Variants in SLAMF9 observed in about 807,000 individuals in gnomAD.
The protein encoded by SLAMF9 is CD2 family member 10.
In SLAMF9, 25 loss-of-function variants were observed where a neutral mutation model predicts 30.4. The observed-to-expected ratio is 0.82, with a 90% CI of 0.60 to 1.15. The LOEUF (loss-of-function observed/expected upper bound fraction) is 1.15, where lower values mean the gene tolerates loss of function less well. Among genes scored for constraint, SLAMF9 ranks in the 50% most tolerant of loss-of-function variants. The probability of loss-of-function intolerance (pLI) is 0.00; values close to 1 mark genes in which losing one functional copy is unlikely to be tolerated. For missense variants in SLAMF9, 344 were observed against 346.1 expected, an observed-to-expected ratio of 0.99 and a Z score of 0.05; for synonymous variants, 129 against 127.2, an observed-to-expected ratio of 1.01 and a Z score of -0.09.
In SLAMF9 at chr1:159,952,454, C is replaced by T; in HGVS notation, c.472G>A (p.Val158Met). 6.2e-7 allele frequency: 1 copy of T among 1,614,124 alleles called. No individual in the cohort carries two copies. The highest frequency in any genetic ancestry group is 1.1e-5 in the South Asian group (1 of 91,086). ...GTCATATCCATGCCTGCCTTCTCCA[C>T]AGAGCACACCAGGGACATACTGCAG... is the stretch of plus-strand genomic sequence containing the variant. Reference protein sequence around the residue: ...GACSMSLVCSVEKAGMDMTYS... With the variant: ...GACSMSLVCSMEKAGMDMTYS... Residue 158 changes from valine (V) to methionine (M), a missense_variant, in exon 3 of 4, where the codon GTG becomes ATG. Val to Met is a conservative substitution (Grantham distance 21). Transcript: ENST00000368093.
At chr1:159,971,774 A>T in the SLAMF9 span, among the ~76,000 whole-genome samples, 1 of 152,068 alleles carries the variant, frequency 6.6e-6, no homozygotes, top group African/African-American at 2.4e-5. Context: ...ACCATTTGGG[A>T]AGGACGCAGG....
At chr1:159,961,770 G>A in the SLAMF9 span, among the ~76,000 whole-genome samples, 2 of 152,202 alleles carry the variant, frequency 1.3e-5, no homozygotes, top group Admixed American at 1.3e-4. Flanking sequence ...GAGAGATGGA[G>A]GCAGAGAAGA....
At chr1:159,973,617 C>T in the SLAMF9 span, among the ~76,000 whole-genome samples, 1 of 152,160 alleles carries the variant, frequency 6.6e-6, no homozygotes, top group Non-Finnish European at 1.5e-5. Flanking sequence ...TACATGTGTC[C>T]CCCATGGTGG....
In SLAMF9 at chr1:159,953,496, T is replaced by C; in HGVS notation, c.204A>G (p.Lys68=). The part of the protein sequence containing the change: ...HKSLATVVPG[K]EGHPATIMVT... ...CCATGATGGTAGCTGGATGTCCCTC[T>C]TTCCCTGGCACCACAGTGGCAAGAC... The change falls in exon 2 of 4, where the codon AAA becomes AAG. Residue 68 remains lysine (K), a synonymous_variant. Transcript: ENST00000368093. 1 of 1,614,214 alleles carries C rather than the reference T, an allele frequency of 6.2e-7. No homozygotes were observed. Among genetic ancestry groups the C allele is most frequent in the Non-Finnish European group, 8.5e-7 (1 of 1,180,032 alleles).
chr1:159,973,873 T>C, the SLAMF9 span: 1 of 1,613,092 alleles, frequency 6.2e-7, no homozygotes, highest in Non-Finnish European at 8.5e-7. Context: ...CCAGTGCAGC[T>C]GTACTGGCCA....
chr1:159,954,051 G>A (rs767511927), intron 1 of SLAMF9, 41 bp downstream of exon 1: 36 of 1,612,932 alleles, frequency 2.2e-5, no homozygotes, highest in East Asian at 4.5e-5. Flanking sequence ...GAACAGAGGT[G>A]TAGGGGACAT....
the SLAMF9 span, among the ~76,000 whole-genome samples, chr1:159,966,108 T>G: frequency 3.3e-5 from 5 of 152,318 alleles, no homozygotes; most frequent in Admixed American, 1.3e-4. Context: ...TAATTCCCCA[T>G]TCCTTCACTC....
At chr1:159,969,676 A>C in the SLAMF9 span, among the ~76,000 whole-genome samples, 1 of 152,242 alleles carries the variant, frequency 6.6e-6, no homozygotes, top group Non-Finnish European at 1.5e-5. Flanking sequence ...GCTTATGAAA[A>C]TATTTCCTGG....
In SLAMF9 at chr1:159,951,746, C is replaced by A. The variant is rs147232415; in HGVS notation, c.785G>T (p.Arg262Ile). ...TTTCTTCATCCTTGGCATTTTGTGT[C>A]TTTTCTGGACTCGGATGACCCAGAG... The part of the protein sequence containing the change: ...MGLWVIRVQK[R>I]HKMPRMKKLM... The change falls in exon 4 of 4, where the codon AGA becomes ATA. Residue 262 changes from arginine (R) to isoleucine (I), a missense_variant. By Grantham distance (97) the Arg-to-Ile change is moderately conservative. Coordinates refer to ENST00000368093, the MANE Select transcript of SLAMF9 (RefSeq NM_033438.4). 2.7e-5 allele frequency: 43 copies of A among 1,614,142 alleles called. No homozygotes were observed. The Middle Eastern group carries it at 1.5e-3, about 56-fold the overall frequency.
At position 159,951,742 on chromosome 1, in the gene SLAMF9, G is replaced by A. The variant is rs1173634028; in HGVS notation, c.789C>T (p.His263=). Residue 263 remains histidine (H), a synonymous_variant, in exon 4 of 4, where the codon CAC becomes CAT. Transcript: ENST00000368093. ...GLWVIRVQKR[H]KMPRMKKLMR... The stretch of plus-strand genomic sequence containing the variant: ...TGAGTTTCTTCATCCTTGGCATTTT[G>A]TGTCTTTTCTGGACTCGGATGACCC... 1.9e-6 allele frequency: 3 copies of A among 1,614,028 alleles called. No individual in the cohort carries two copies. The highest frequency in any genetic ancestry group is 2.5e-6 in the Non-Finnish European group (3 of 1,180,034).
chr1:159,981,946 C>T, the SLAMF9 span, among the ~76,000 whole-genome samples: 1 of 152,256 alleles, frequency 6.6e-6, no homozygotes, highest in Non-Finnish European at 1.5e-5. Context: ...TCCCAGGTGT[C>T]TGACCTGCAC....
intron 2 of SLAMF9, 98 bp from the exon 3 acceptor site, chr1:159,952,632 C>A: frequency 7.7e-7 from 1 of 1,290,698 alleles, no homozygotes; most frequent in Non-Finnish European, 1.1e-6. Context: ...TACCCCTTGA[C>A]AGCCCCTGCA....
At chr1:159,952,640 G>T in intron 2 of SLAMF9, 106 bp from the exon 3 acceptor site, 1 of 1,224,992 alleles carries the variant, frequency 8.2e-7, no homozygotes, top group Non-Finnish European at 1.1e-6. Flanking sequence ...GACAGCCCCT[G>T]CACCTAAACA....
At chr1:159,955,472 T>C (rs1264830613), upstream of SLAMF9, among the ~76,000 whole-genome samples, 1 of 152,204 alleles carries the variant, frequency 6.6e-6, no homozygotes, top group Non-Finnish European at 1.5e-5. Flanking sequence ...AAGGGAACAA[T>C]AGAGGAAGAC....
chr1:159,960,104 T>C, the SLAMF9 span, among the ~76,000 whole-genome samples: 4 of 151,766 alleles, frequency 2.6e-5, no homozygotes, highest in South Asian at 2.1e-4. Context: ...CATGTTGGTG[T>C]GCTGCACCCA....
chr1:159,966,549 C>T, the SLAMF9 span, among the ~76,000 whole-genome samples: 1 of 152,260 alleles, frequency 6.6e-6, no homozygotes, highest in South Asian at 2.1e-4. Context: ...TACTGTTTTC[C>T]ATAATAGCTG....
chr1:159,960,815 G>A, the SLAMF9 span, among the ~76,000 whole-genome samples: 1 of 152,180 alleles, frequency 6.6e-6, no homozygotes, highest in African/African-American at 2.4e-5. Flanking sequence ...GAAGTATGCA[G>A]GTTGGGGGGG....
At chr1:159,958,332 G>T (rs1651974110), upstream of SLAMF9, among the ~76,000 whole-genome samples, 2 of 152,146 alleles carry the variant, frequency 1.3e-5, no homozygotes, top group Non-Finnish European at 2.9e-5. Flanking sequence ...CCATAAGTAG[G>T]CATAAACAGT....
Position 159,953,619 on chromosome 1 carries a change from G to A in SLAMF9, c.81C>T (p.Ser27=), listed in dbSNP as rs140245593. Residue 27 remains serine (S), a synonymous_variant, in exon 2 of 4, where the codon TCC becomes TCT. Coordinates refer to ENST00000368093, the MANE Select transcript of SLAMF9 (RefSeq NM_033438.4). The part of the protein sequence containing the change: ...SQRRLWRWCG[S]EEVVAVLQES... ...CCTGAAGGACCGCAACCACTTCCTCGGATCCACACCATCTCCAGAGTCTCC... is the reference window on the plus strand; with the variant it reads ...CCTGAAGGACCGCAACCACTTCCTCAGATCCACACCATCTCCAGAGTCTCC... 347 of 1,605,964 alleles carry A rather than the reference G, an allele frequency of 2.2e-4. No individual in the cohort carries two copies. The African/African-American group carries it at 3.3e-3, about 15-fold the overall frequency.
Sources: gnomAD v4.1 joint callset for allele counts (sites outside exome capture counted in the v4.1 genomes callset) on GRCh38, gnomAD v4.1.1 for gene constraint, MANE v1.5 for transcripts, NCBI Gene and HGNC (gene_info 2026-07-23, HGNC 2026-07-21) for gene names.